Variants in KCNC1 observed in about 807,000 individuals in gnomAD.
KCNC1 encodes the protein potassium voltage-gated channel subfamily C member 1.
A neutral mutation model predicts 43.4 loss-of-function variants in KCNC1; 8 were observed. The ratio of observed to expected loss-of-function variants is 0.18; its 90% CI spans 0.11 to 0.33. The LOEUF (loss-of-function observed/expected upper bound fraction) is 0.33, where lower values mean the gene tolerates loss of function less well. Among genes scored for constraint, KCNC1 ranks in the 10% least tolerant of loss-of-function variants. The pLI is 1.00. For missense variants in KCNC1, 420 were observed against 836.0 expected (o/e 0.50, Z 6.14); for synonymous variants, 361 against 360.5 (o/e 1.00, Z -0.01).
Position 17,736,189 on chromosome 11 carries a change from G to A in KCNC1, c.187G>A (p.Val63Ile). Reference protein sequence around the residue: ...DEFFFDRHPGVFAHILNYYRT... With the variant: ...DEFFFDRHPGIFAHILNYYRT... ...GTTCTTCTTCGACCGCCACCCCGGC[G>A]TCTTCGCGCACATCCTGAACTACTA... The change falls in exon 1 of 4, where the codon GTC becomes ATC. Residue 63 changes from valine (V) to isoleucine (I), a missense_variant. Transcript: ENST00000265969. This position sits in a 1 kb window ranked among gnomAD's most constrained non-coding sequence, Gnocchi z 9.3. 6.2e-7 allele frequency: 1 copy of A among 1,613,782 alleles called. No homozygotes were observed. The highest frequency in any genetic ancestry group is 8.5e-7 in the Non-Finnish European group (1 of 1,179,850).
At chr11:17,762,519 C>G (rs548761876) in intron 1 of KCNC1, among the ~76,000 whole-genome samples, 3 of 152,200 alleles carry the variant, frequency 2.0e-5, no homozygotes, top group Non-Finnish European at 4.4e-5. Flanking sequence ...CCACAGTCAC[C>G]TGGTTGAGTC....
At chr11:17,744,273 A>G (rs1291852739) in intron 1 of KCNC1, among the ~76,000 whole-genome samples, 1 of 152,100 alleles carries the variant, frequency 6.6e-6, no homozygotes, top group Admixed American at 6.5e-5. Context: ...AGCTGGGGAA[A>G]CCAAGCCAGT....
intron 3 of KCNC1, chr11:17,780,969 C>T (rs975960163): frequency 1.3e-5 from 2 of 152,314 alleles, no homozygotes; most frequent in Non-Finnish European, 2.9e-5. Context: ...GCCTGATGTT[C>T]CCCTTTGCGA....
intron 1 of KCNC1, among the ~76,000 whole-genome samples, chr11:17,750,358 CTCA>C (rs1848953092): frequency 2.0e-5 from 3 of 152,196 alleles, no homozygotes; most frequent in African/African-American, 7.2e-5. Context: ...TGCCCACAAC[CTCA>C]GGGCCAGGAG....
At chr11:17,763,166 ACG>A (rs910396157) in intron 1 of KCNC1, among the ~76,000 whole-genome samples, 2 of 151,986 alleles carry the variant, frequency 1.3e-5, no homozygotes, top group African/African-American at 4.8e-5. Context: ...CTGCGCCGGG[ACG>A]CTGCCTTTTC....
At position 17,779,456 on chromosome 11, in the gene KCNC1, A is replaced by T; in HGVS notation, c.1505A>T (p.Asp502Val). ...ATAGCTTCTGCTTATATGTTTGAAG[A>T]TTCCAAACTGAATGGGGAGGTGGCG... ...QEEILEINRA[D>V]SKLNGEVAKA... is the part of the protein sequence containing the mutation. Residue 502 changes from aspartate (D) to valine (V), a missense_variant and splice_region_variant, in exon 3 of 4, where the codon GAT becomes GTT. Transcript: ENST00000265969. The surrounding 1 kb of genome is among the most constrained non-coding windows in gnomAD (Gnocchi z 7.2). 1 of 1,543,374 alleles carries T rather than the reference A, an allele frequency of 6.5e-7. No homozygotes were observed. The highest frequency in any genetic ancestry group is 8.7e-7 in the Non-Finnish European group (1 of 1,143,642).
intron 1 of KCNC1, among the ~76,000 whole-genome samples, chr11:17,768,093 A>G (rs1849175483): frequency 6.6e-6 from 1 of 152,068 alleles, no homozygotes; most frequent in Non-Finnish European, 1.5e-5. Context: ...CCCATGCACT[A>G]AAGAGCTGGA....
chr11:17,753,276 C>A (rs532405595), intron 1 of KCNC1, among the ~76,000 whole-genome samples: 1 of 152,232 alleles, frequency 6.6e-6, no homozygotes, highest in Non-Finnish European at 1.5e-5. Context: ...AAGGCTGCCA[C>A]CTTGAGCCAT....
rs1849256120 is a variant in KCNC1, at chr11:17,773,670, A to G, written c.1504+1072A>G. 2 of 985,312 alleles carry G rather than the reference A, an allele frequency of 2.0e-6. No individual in the cohort carries two copies. The highest frequency in any genetic ancestry group is 3.5e-5 in the African/African-American group (2 of 57,238). The allele number at this position is 985,312 out of a possible 1,614,324, so 61.0% of individuals were successfully genotyped here. A position where few individuals can be genotyped will look rare whatever the true frequency, so the allele number is the denominator to read the frequency against. ...ATCTCAGTTTTATGAGAACCTGCACATAGCACATAAAGTTGATCATGGGGC... is the reference window on the plus strand; with the variant it reads ...ATCTCAGTTTTATGAGAACCTGCACGTAGCACATAAAGTTGATCATGGGGC... On this transcript the variant is annotated intron_variant, in intron 2 of 3. Transcript: ENST00000265969. The surrounding 1 kb of genome is among the most constrained non-coding windows in gnomAD (Gnocchi z 4.1).
At chr11:17,758,531 G>A (rs1849044840) in intron 1 of KCNC1, among the ~76,000 whole-genome samples, 1 of 152,180 alleles carries the variant, frequency 6.6e-6, no homozygotes, top group African/African-American at 2.4e-5. Context: ...ATCTATGGAA[G>A]CTACAGCCTT....
At position 17,776,593 on chromosome 11, in the gene KCNC1, A is replaced by G; in HGVS notation, c.1505-2863A>G. 1.0e-6 allele frequency: 1 copy of G among 985,322 alleles called. No individual in the cohort carries two copies. The highest frequency in any genetic ancestry group is 1.2e-6 in the Non-Finnish European group (1 of 829,886). 61.0% of individuals were successfully genotyped at this position (985,322 alleles called of 1,614,324 possible). On this transcript the variant is annotated intron_variant, in intron 2 of 3. Transcript: ENST00000265969. The surrounding 1 kb of genome is among the most constrained non-coding windows in gnomAD (Gnocchi z 4.4). ...TTCAAGCCTGGAAACCATCTCTGAG[A>G]CGCTGCCCATGCTGCCATTTCATCA...
intron 3 of KCNC1, chr11:17,780,022 C>G (rs1163985297): frequency 5.8e-6 from 1 of 171,804 alleles, no homozygotes; most frequent in Non-Finnish European, 1.2e-5. Flanking sequence ...CTCCTCTCCC[C>G]TGATTGAGGA....
chr11:17,759,633 T>C (rs937103615), intron 1 of KCNC1, among the ~76,000 whole-genome samples: 1 of 152,086 alleles, frequency 6.6e-6, no homozygotes, highest in African/African-American at 2.4e-5. Context: ...CTAATTTCAA[T>C]ATTGTTGTGT....
rs577388030 is a variant in KCNC1, at chr11:17,756,316, AATTG to A, written c.571-15346_571-15343del. Among the ~76,000 whole-genome samples the A allele has an allele frequency of 6.7e-3, 1,019 of 152,130 alleles. 12 individuals carry two copies. The highest frequency in any genetic ancestry group is 8.4e-3 in the Non-Finnish European group (568 of 67,984). On this transcript the variant is annotated intron_variant, in intron 1 of 3. Coordinates refer to ENST00000265969, the MANE Select transcript of KCNC1 (RefSeq NM_001112741.2). ...TAGGTACATATTTGCTTGTATGGTTAATTGATAAATGTCAATGTCCCCCTCTCCT... is the reference window on the plus strand; with the variant it reads ...TAGGTACATATTTGCTTGTATGGTTAATAAATGTCAATGTCCCCCTCTCCT...
chr11:17,750,786 G>A (rs897379074), intron 1 of KCNC1, among the ~76,000 whole-genome samples: 4 of 152,060 alleles, frequency 2.6e-5, no homozygotes, highest in Admixed American at 6.5e-5. Flanking sequence ...CTGCTAGGCC[G>A]GCTCTCATGG....
At chr11:17,757,922 T>C (rs1482923755) in intron 1 of KCNC1, among the ~76,000 whole-genome samples, 2 of 152,150 alleles carry the variant, frequency 1.3e-5, no homozygotes, top group Non-Finnish European at 2.9e-5. Context: ...TTGCTGAAGG[T>C]TGGGGTGGAC....
In KCNC1 at chr11:17,777,048, C is replaced by G. The variant is rs535676810; in HGVS notation, c.1505-2408C>G. 14 of 985,358 alleles carry G rather than the reference C, an allele frequency of 1.4e-5. No individual in the cohort carries two copies. The South Asian group carries it at 5.2e-4, about 36-fold the overall frequency. 61.0% of individuals were successfully genotyped at this position (985,358 alleles called of 1,614,324 possible). A position where few individuals can be genotyped will look rare whatever the true frequency, so the allele number is the denominator to read the frequency against. On this transcript the variant is annotated intron_variant, in intron 2 of 3. Transcript: ENST00000265969. This position sits in a 1 kb window ranked among gnomAD's most constrained non-coding sequence, Gnocchi z 4.3. ...GGAGGGAAAGGTGCCAGGCTATCAT[C>G]CCTCCAGGGATCCCTGATGGATGTT...
Position 17,772,281 on chromosome 11 carries a change from T to C in KCNC1, c.1187T>C (p.Val396Ala). The stretch of plus-strand genomic sequence containing the variant: ...CCCATCGGCTTCTGGTGGGCCGTGG[T>C]CACCATGACGACCCTGGGCTATGGA... Reference protein sequence around the residue: ...NIPIGFWWAVVTMTTLGYGDM... With the variant: ...NIPIGFWWAVATMTTLGYGDM... Residue 396 changes from valine (V) to alanine (A), a missense_variant, in exon 2 of 4, where the codon GTC (valine) becomes GCC (alanine). Physicochemically the swap from Val to Ala is moderately conservative, Grantham distance 64. Transcript: ENST00000265969. 6.2e-7 allele frequency: 1 copy of C among 1,614,098 alleles called. No homozygotes were observed. The highest frequency in any genetic ancestry group is 8.5e-7 in the Non-Finnish European group (1 of 1,180,002).
chr11:17,749,771 G>A (rs1049672332), intron 1 of KCNC1, among the ~76,000 whole-genome samples: 5 of 152,226 alleles, frequency 3.3e-5, no homozygotes, highest in East Asian at 3.9e-4. Context: ...GCAAGCTGCC[G>A]TGGGTGCTTC....
Sources: allele counts gnomAD v4.1 joint callset (sites outside exome capture counted in the v4.1 genomes callset), GRCh38; gene constraint gnomAD v4.1.1; non-coding constraint Gnocchi (gnomAD v3.1); transcripts MANE v1.5; gene names NCBI Gene and HGNC (gene_info 2026-07-23, HGNC 2026-07-21).